NEGR1: variants seen among roughly 807,000 people sequenced by gnomAD.
The protein encoded by NEGR1 is IgLON family member 4.
A neutral mutation model predicts 40.9 loss-of-function variants in NEGR1; 10 were observed. The ratio of observed to expected loss-of-function variants is 0.24; its 90% CI spans 0.15 to 0.42. The LOEUF (loss-of-function observed/expected upper bound fraction) is 0.42. Ranked by LOEUF, NEGR1 falls within the 10% of genes least tolerant of loss-of-function variation. The pLI is 1.00. For missense variants in NEGR1, 352 were observed against 438.9 expected (o/e 0.80, Z 1.77); for synonymous variants, 185 against 166.8 (o/e 1.11, Z -0.84).
chr1:71,560,018 A>C (rs1648393936), intron 6 of NEGR1, among the ~76,000 whole-genome samples: 1 of 151,220 alleles, frequency 6.6e-6, no homozygotes, highest in Non-Finnish European at 1.5e-5. Context: ...CATCATCTTC[A>C]CTTGAAGTCT....
intron 1 of NEGR1, among the ~76,000 whole-genome samples, chr1:71,945,795 T>A (rs1009154681): frequency 6.6e-6 from 1 of 152,140 alleles, no homozygotes; most frequent in African/African-American, 2.4e-5. Flanking sequence ...GTTGCAAAAT[T>A]GAGATAATAT....
At chr1:71,964,758 A>G (rs1431927802) in intron 1 of NEGR1, among the ~76,000 whole-genome samples, 1 of 152,160 alleles carries the variant, frequency 6.6e-6, no homozygotes, top group Non-Finnish European at 1.5e-5. Flanking sequence ...CACCACTGGA[A>G]CACTATTTTA....
At position 71,935,248 on chromosome 1, in the gene NEGR1, C is replaced by T. The variant is rs376667297; in HGVS notation, c.240G>A (p.Ala80=). Residue 80 remains alanine, a synonymous_variant, in exon 2 of 7, where the codon GCG becomes GCA. Coordinates refer to ENST00000357731, the MANE Select transcript of NEGR1 (RefSeq NM_173808.3). The part of the protein sequence containing the change: ...AWLNRSSIIF[A]GGDKWSVDPR... ...GATCCACTGACCACTTATCACCTCC[C>T]GCAAAAATAATACTTGACCGGTTCA... 59 of 1,613,822 alleles carry T rather than the reference C, an allele frequency of 3.7e-5. No individual in the cohort carries two copies. The highest frequency in any genetic ancestry group is 4.2e-5 in the Non-Finnish European group (50 of 1,179,954).
At chr1:71,482,958 AGAAAT>A (rs1646863516) in intron 6 of NEGR1, among the ~76,000 whole-genome samples, 1 of 151,878 alleles carries the variant, frequency 6.6e-6, no homozygotes, top group African/African-American at 2.4e-5. Flanking sequence ...AGTGAGATAA[AGAAAT>A]GAATTAATCA....
At chr1:72,181,818 T>C (rs961060928) in intron 1 of NEGR1, among the ~76,000 whole-genome samples, 2 of 152,088 alleles carry the variant, frequency 1.3e-5, no homozygotes, top group African/African-American at 2.4e-5. Flanking sequence ...ATATCACTTA[T>C]ATGTGGAGTC....
chr1:71,428,507 G>A (rs1646443750), intron 6 of NEGR1, among the ~76,000 whole-genome samples: 1 of 152,094 alleles, frequency 6.6e-6, no homozygotes, highest in Admixed American at 6.6e-5. Context: ...AAAATGCGTA[G>A]CTGAAAGATA....
intron 1 of NEGR1, among the ~76,000 whole-genome samples, chr1:72,074,508 C>A (rs1197267523): frequency 3.9e-5 from 6 of 152,004 alleles, no homozygotes; most frequent in Non-Finnish European, 8.8e-5. Context: ...CCATTTTTCC[C>A]TCTCGGTCAT....
At chr1:71,493,786 A>G (rs537543862) in intron 6 of NEGR1, among the ~76,000 whole-genome samples, 8 of 152,318 alleles carry the variant, frequency 5.3e-5, no homozygotes, top group African/African-American at 1.9e-4. Flanking sequence ...TGTCAAAACA[A>G]AACTTCTCTC....
chr1:71,668,413 A>C (rs1652310078), intron 4 of NEGR1, among the ~76,000 whole-genome samples: 1 of 152,176 alleles, frequency 6.6e-6, no homozygotes, highest in African/African-American at 2.4e-5. Flanking sequence ...AGGAGGATAG[A>C]GCCAAATGCT....
intron 1 of NEGR1, among the ~76,000 whole-genome samples, chr1:72,224,061 A>C (rs1316197913): frequency 6.6e-6 from 1 of 152,162 alleles, no homozygotes; most frequent in East Asian, 1.9e-4. Flanking sequence ...ACAACATCAC[A>C]GTTGCATGAC....
intron 2 of NEGR1, among the ~76,000 whole-genome samples, chr1:71,796,418 T>C (rs758465924): frequency 3.9e-5 from 6 of 152,136 alleles, no homozygotes; most frequent in Non-Finnish European, 8.8e-5. Flanking sequence ...TTTCTCTCTT[T>C]AGAAAAAATA....
chr1:72,051,839 C>G (rs1647064811), intron 1 of NEGR1, among the ~76,000 whole-genome samples: 1 of 151,410 alleles, frequency 6.6e-6, no homozygotes, highest in Non-Finnish European at 1.5e-5. Flanking sequence ...TTATCAGAGC[C>G]AGGGTCTTGA....
At chr1:71,884,904 T>G (rs1254645405) in intron 2 of NEGR1, among the ~76,000 whole-genome samples, 1 of 152,236 alleles carries the variant, frequency 6.6e-6, no homozygotes, top group East Asian at 1.9e-4. Flanking sequence ...TCTAGGTGTA[T>G]GAAATAATCT....
rs556829980 is a variant in NEGR1, at chr1:71,872,477, GC to G, written c.409+62601del. On this transcript the variant is annotated intron_variant, in intron 2 of 6. Transcript: ENST00000357731. ...AGTGTTGTGAACAGAAGTGATGTGTGCCACTCCCTGTTTAGGTGGAGAGCTT... is the reference window on the plus strand; with the variant it reads ...AGTGTTGTGAACAGAAGTGATGTGTGCACTCCCTGTTTAGGTGGAGAGCTT... Among the ~76,000 whole-genome samples the G allele has an allele frequency of 6.9e-3, 1,055 of 152,250 alleles. 8 individuals are homozygous for G. The highest frequency in any genetic ancestry group is 0.065 in the Middle Eastern group (19 of 294).
At chr1:71,948,882 G>A (rs999008278) in intron 1 of NEGR1, among the ~76,000 whole-genome samples, 57 of 151,804 alleles carry the variant, frequency 3.8e-4, no homozygotes, top group African/African-American at 1.1e-3. Context: ...CATATTTTTC[G>A]AGCCCCATGA....
At chr1:71,482,338 A>G (rs1251091946) in intron 6 of NEGR1, among the ~76,000 whole-genome samples, 1 of 151,852 alleles carries the variant, frequency 6.6e-6, no homozygotes, top group South Asian at 2.1e-4. Flanking sequence ...TTTTTAACAT[A>G]GCAGGCAAAA....
chr1:72,200,611 A>C (rs1461411304), intron 1 of NEGR1, among the ~76,000 whole-genome samples: 2 of 152,070 alleles, frequency 1.3e-5, no homozygotes, highest in African/African-American at 4.8e-5. Context: ...TACCCGTGTA[A>C]AAAACCTGTA....
chr1:71,508,581 G>A (rs1331207642), intron 6 of NEGR1, among the ~76,000 whole-genome samples: 1 of 152,178 alleles, frequency 6.6e-6, no homozygotes, highest in African/African-American at 2.4e-5. Flanking sequence ...TGCCTTCCAG[G>A]TCTTACCCTG....
intron 3 of NEGR1, among the ~76,000 whole-genome samples, chr1:71,713,819 A>G (rs1324398244): frequency 6.6e-6 from 1 of 152,204 alleles, no homozygotes. Flanking sequence ...CATATAACAC[A>G]CACAATGTGT....
Sources: gnomAD v4.1 joint callset for allele counts (sites outside exome capture counted in the v4.1 genomes callset) on GRCh38, gnomAD v4.1.1 for gene constraint, MANE v1.5 for transcripts, NCBI Gene and HGNC (gene_info 2026-07-23, HGNC 2026-07-21) for gene names.